Variants in SHROOM4 observed in about 807,000 individuals in gnomAD.
The protein encoded by SHROOM4 is shroom family member 4, also known as protein Shroom4.
SHROOM4 carries 17 observed loss-of-function variants against 80.3 expected under a neutral mutation model. The observed-to-expected ratio is 0.21, with a 90% CI of 0.14 to 0.32. The LOEUF (loss-of-function observed/expected upper bound fraction) is 0.32, where lower values mean the gene tolerates loss of function less well. Ranked by LOEUF, SHROOM4 falls within the 10% of genes least tolerant of loss-of-function variation. The pLI is 1.00. For synonymous variants in SHROOM4, 400 were observed against 437.5 expected (o/e 0.91, Z 1.07); for missense variants, 993 against 1,140.3 (o/e 0.87, Z 1.86).
chrX:50,775,111 T>C (rs897107197), intron 1 of SHROOM4, among the ~76,000 whole-genome samples: 4 of 111,575 alleles, frequency 3.6e-5, no homozygotes, highest in Admixed American at 1.9e-4. Flanking sequence ...TGCTGCTGCT[T>C]TGGATCTGTT....
At chrX:50,739,176 T>C (rs1170529268) in intron 1 of SHROOM4, among the ~76,000 whole-genome samples, 1 of 110,845 alleles carries the variant, frequency 9.0e-6, no homozygotes, top group Non-Finnish European at 1.9e-5. Context: ...ATACAAAAAT[T>C]AATTCAAGAT....
chrX:50,773,955 A>G (rs1431026321), intron 1 of SHROOM4, among the ~76,000 whole-genome samples: 1 of 112,430 alleles, frequency 8.9e-6, no homozygotes, highest in Non-Finnish European at 1.9e-5. Context: ...ATGAACAGAA[A>G]AATGACATTA....
In SHROOM4 at chrX:50,695,786, C is replaced by G; in HGVS notation, c.269G>C (p.Arg90Thr). Reference sequence around the variant, plus strand: ...TACGGAGAATCTCCCTGTACCTTACCTCCTGACAATCAGCTTGAGAATCCG... The same window carrying G: ...TACGGAGAATCTCCCTGTACCTTACGTCCTGACAATCAGCTTGAGAATCCG... ...SFRILKLIVR[R>T]RNAPVSRPHS... The change falls in exon 2 of 9, where the codon AGG becomes ACG. Residue 90 changes from arginine to threonine, a missense_variant and splice_region_variant. Transcript: ENST00000376020. 6 of 1,211,739 alleles carry G rather than the reference C, an allele frequency of 5.0e-6. No individual in the cohort carries two copies. Among genetic ancestry groups the G allele is most frequent in the Non-Finnish European group, 6.7e-6 (6 of 895,404 alleles).
chrX:50,779,972 A>G (rs943180313), intron 1 of SHROOM4, among the ~76,000 whole-genome samples: 7 of 111,566 alleles, frequency 6.3e-5, no homozygotes, highest in African/African-American at 2.3e-4. Context: ...CAGGGGCCAG[A>G]GGCACAGCTG....
At chrX:50,792,240 T>G (rs1040406867) in intron 1 of SHROOM4, among the ~76,000 whole-genome samples, 5 of 112,195 alleles carry the variant, frequency 4.5e-5, no homozygotes, top group Non-Finnish European at 9.4e-5. Context: ...GGCTCACGCC[T>G]GTAATTCCAG....
chrX:50,651,684 C>T (rs1342332066), intron 2 of SHROOM4, among the ~76,000 whole-genome samples: 1 of 111,546 alleles, frequency 9.0e-6, no homozygotes, highest in Non-Finnish European at 1.9e-5. Context: ...ATGCACCCAT[C>T]AACCCATCAT....
At chrX:50,721,945 C>T (rs1374042401) in intron 1 of SHROOM4, among the ~76,000 whole-genome samples, 1 of 110,698 alleles carries the variant, frequency 9.0e-6, no homozygotes, top group Non-Finnish European at 1.9e-5. Flanking sequence ...CCTAGCCTAG[C>T]CCAGCTGGCT....
intron 4 of SHROOM4, among the ~76,000 whole-genome samples, chrX:50,631,436 A>G (rs1931061295): frequency 8.9e-6 from 1 of 111,983 alleles, no homozygotes; most frequent in Non-Finnish European, 1.9e-5. Flanking sequence ...CTAACATCAA[A>G]CTTTATAGTC....
At chrX:50,675,825 A>T (rs182593865) in intron 2 of SHROOM4, among the ~76,000 whole-genome samples, 106 of 111,467 alleles carry the variant, frequency 9.5e-4, no homozygotes, top group African/African-American at 3.4e-3. Flanking sequence ...TCTTCACAAA[A>T]CTAGTTTAGA....
In SHROOM4 at chrX:50,633,358, A is replaced by G; in HGVS notation, c.2715T>C (p.Ser905=). The change falls in exon 4 of 9, where the codon TCT becomes TCC. Residue 905 remains serine (S), a synonymous_variant. Coordinates refer to ENST00000376020, the MANE Select transcript of SHROOM4 (RefSeq NM_020717.5). ...ALVHDPCIYC[S]GEICPALLKR... ...TTAGCAAGGCAGGGCAGATTTCCCC[A>G]GAACAATAAATGCAAGGATCATGGA... 1 of 1,211,994 alleles carries G rather than the reference A, an allele frequency of 8.3e-7. No homozygotes were observed. Among genetic ancestry groups the G allele is most frequent in the Non-Finnish European group, 1.1e-6 (1 of 895,527 alleles).
chrX:50,737,733 G>A (rs898385087), intron 1 of SHROOM4, among the ~76,000 whole-genome samples: 9 of 111,335 alleles, frequency 8.1e-5, no homozygotes, highest in Non-Finnish European at 1.1e-4. Context: ...ATTCACAGCC[G>A]AATTCTACCA....
intron 1 of SHROOM4, among the ~76,000 whole-genome samples, chrX:50,738,341 G>A (rs1281111961): frequency 9.0e-6 from 1 of 110,665 alleles, no homozygotes; most frequent in African/African-American, 3.3e-5. Flanking sequence ...CAATCACGCA[G>A]GAGAAAGAAA....
intron 1 of SHROOM4, among the ~76,000 whole-genome samples, chrX:50,700,973 T>C (rs151188970): frequency 0.012 from 1,306 of 111,538 alleles, 11 homozygotes; most frequent in South Asian, 0.02. Context: ...GCCCAAATCC[T>C]ACAAGGAGCT....
chrX:50,791,397 A>G (rs1179724223), intron 1 of SHROOM4, among the ~76,000 whole-genome samples: 2 of 109,171 alleles, frequency 1.8e-5, no homozygotes, highest in African/African-American at 6.7e-5. Context: ...GAATCAATGT[A>G]ATCCCTATCA....
chrX:50,650,907 T>A (rs782535565), intron 2 of SHROOM4, among the ~76,000 whole-genome samples: 115 of 112,240 alleles, frequency 1.0e-3, no homozygotes, highest in African/African-American at 3.6e-3. Flanking sequence ...TTTGTCTTAC[T>A]ATTTTTTAAA....
At chrX:50,755,276 C>T (rs1269037372) in intron 1 of SHROOM4, among the ~76,000 whole-genome samples, 2 of 111,870 alleles carry the variant, frequency 1.8e-5, no homozygotes, top group African/African-American at 6.5e-5. Flanking sequence ...ACCACAAGTG[C>T]TACAAATTAG....
intron 2 of SHROOM4, among the ~76,000 whole-genome samples, chrX:50,642,374 G>T (rs985626150): frequency 8.9e-6 from 1 of 112,389 alleles, no homozygotes; most frequent in African/African-American, 3.2e-5. Flanking sequence ...ATTGAACACT[G>T]AAGATGTGCC....
intron 1 of SHROOM4, among the ~76,000 whole-genome samples, chrX:50,732,063 A>G (rs1307769922): frequency 8.9e-6 from 1 of 111,831 alleles, no homozygotes; most frequent in African/African-American, 3.3e-5. Context: ...CAGATTAGAT[A>G]AATTTGTAGA....
chrX:50,576,874 C>T, the SHROOM4 span, among the ~76,000 whole-genome samples: 1 of 111,181 alleles, frequency 9.0e-6, no homozygotes, highest in Admixed American at 9.6e-5. Context: ...TATTCTTCCC[C>T]CATTTATAAT....
Sources: allele counts gnomAD v4.1 joint callset (sites outside exome capture counted in the v4.1 genomes callset), GRCh38; gene constraint gnomAD v4.1.1; transcripts MANE v1.5; gene names NCBI Gene and HGNC (gene_info 2026-07-23, HGNC 2026-07-21).